Variants in UTRN observed in about 807,000 individuals in gnomAD.
UTRN encodes utrophin, also known as dystrophin-related protein 1.
A neutral mutation model predicts 463.9 loss-of-function variants in UTRN; 283 were observed. The observed-to-expected ratio is 0.61, with a 90% CI of 0.55 to 0.67. The LOEUF (loss-of-function observed/expected upper bound fraction) is 0.67, where lower values mean the gene tolerates loss of function less well. Ranked by LOEUF, UTRN falls within the 30% of genes least tolerant of loss-of-function variation. The pLI is 0.00. For missense variants in UTRN, 3,922 were observed against 4,084.3 expected (o/e 0.96, Z 1.08); for synonymous variants, 1,442 against 1,431.5 (o/e 1.01, Z -0.17).
chr6:144,345,412 T>A (rs1348132945), intron 2 of UTRN, among the ~76,000 whole-genome samples: 4 of 152,162 alleles, frequency 2.6e-5, no homozygotes, highest in African/African-American at 9.7e-5. Context: ...CAATGGCTCA[T>A]ACCTGTAATC....
chr6:144,540,282 C>T (rs1379443320), intron 45 of UTRN, among the ~76,000 whole-genome samples: 4 of 151,610 alleles, frequency 2.6e-5, no homozygotes, highest in Non-Finnish European at 5.9e-5. Flanking sequence ...TTTTGTTTGA[C>T]CTGGTACACA....
chr6:144,504,551 G>T (rs1213446818), intron 34 of UTRN, among the ~76,000 whole-genome samples: 1 of 151,360 alleles, frequency 6.6e-6, no homozygotes, highest in Non-Finnish European at 1.5e-5. Context: ...ATTGATTTGT[G>T]TATGGATTAC....
At chr6:144,572,113 G>A (rs533261058) in intron 50 of UTRN, among the ~76,000 whole-genome samples, 2 of 152,178 alleles carry the variant, frequency 1.3e-5, no homozygotes, top group East Asian at 3.9e-4. Context: ...GTTTTGTCAC[G>A]TTAAAACAGG....
intron 5 of UTRN, 27 bp downstream of exon 5, chr6:144,423,653 G>A: frequency 1.2e-6 from 2 of 1,611,146 alleles, no homozygotes; most frequent in East Asian, 4.5e-5. Context: ...AGTTCTGGGG[G>A]TCTGTGCTGC....
chr6:144,540,686 C>G (rs1399090232), intron 45 of UTRN, among the ~76,000 whole-genome samples: 1 of 152,158 alleles, frequency 6.6e-6, no homozygotes, highest in Non-Finnish European at 1.5e-5. Context: ...CTTATTATTA[C>G]TTAAGTCAGA....
chr6:144,556,661 C>T (rs896758845), intron 49 of UTRN, among the ~76,000 whole-genome samples: 2 of 152,216 alleles, frequency 1.3e-5, no homozygotes, highest in Non-Finnish European at 2.9e-5. Flanking sequence ...GCTATTCAAG[C>T]AAACTCTCAG....
At chr6:144,803,186 C>A in intron 65 of UTRN, 39 bp downstream of exon 65, 1 of 1,254,744 alleles carries the variant, frequency 8.0e-7, no homozygotes. Context: ...AATACATTGC[C>A]ATTGAATTAA....
chr6:144,781,656 A>C (rs1209241335), intron 60 of UTRN, among the ~76,000 whole-genome samples: 2 of 152,226 alleles, frequency 1.3e-5, no homozygotes, highest in Non-Finnish European at 2.9e-5. Context: ...AAAAGAAAGT[A>C]GGAATAATTA....
At chr6:144,516,423 C>T in intron 38 of UTRN, 36 bp downstream of exon 38, 12 of 1,579,814 alleles carry the variant, frequency 7.6e-6, no homozygotes, top group Non-Finnish European at 1.0e-5. Context: ...ATGGTGGTCT[C>T]ATTTTTCTTC....
rs767551271 is a variant in UTRN, at chr6:144,511,068, A to C, written c.4889A>C (p.Asn1630Thr). The C allele has an allele frequency of 2.5e-6, 4 of 1,611,190 alleles. No individual in the cohort carries two copies. Among genetic ancestry groups the C allele is most frequent in the Non-Finnish European group, 3.4e-6 (4 of 1,178,196 alleles). ...TTAGAAGAGAGGCTCTGCGTCCTTA[A>C]CGCTGGGTGGAGCCGAGTTCGTACC... Reference protein sequence around the residue: ...PILEERLCVLNAGWSRVRTWT... With the variant: ...PILEERLCVLTAGWSRVRTWT... Residue 1630 changes from asparagine to threonine, a missense_variant, in exon 35 of 75, where the codon AAC (asparagine) becomes ACC (threonine). Asn to Thr is a moderately conservative substitution (Grantham distance 65, BLOSUM62 0). Coordinates refer to ENST00000367545, the MANE Select transcript of UTRN (RefSeq NM_007124.3).
chr6:144,666,818 C>T (rs1242419209), intron 51 of UTRN, among the ~76,000 whole-genome samples: 1 of 152,140 alleles, frequency 6.6e-6, no homozygotes, highest in Non-Finnish European at 1.5e-5. Context: ...AACTGCTTAT[C>T]ATCCTTGGTT....
At chr6:144,372,270 C>T (rs1780057250) in intron 2 of UTRN, among the ~76,000 whole-genome samples, 1 of 152,234 alleles carries the variant, frequency 6.6e-6, no homozygotes, top group African/African-American at 2.4e-5. Context: ...GGCAGATTGC[C>T]TGGGTTGGAC....
At chr6:144,662,154 C>T (rs1028340471) in intron 51 of UTRN, among the ~76,000 whole-genome samples, 14 of 151,972 alleles carry the variant, frequency 9.2e-5, no homozygotes, top group African/African-American at 2.4e-4. Context: ...TCTCTTTGGC[C>T]GTATTTTACT....
intron 9 of UTRN, among the ~76,000 whole-genome samples, chr6:144,431,154 T>G (rs1287589395): frequency 6.6e-6 from 1 of 152,118 alleles, no homozygotes; most frequent in Non-Finnish European, 1.5e-5. Context: ...TGTTACAGGG[T>G]TTTAGATTCA....
At chr6:144,696,799 A>G (rs560297803) in intron 52 of UTRN, among the ~76,000 whole-genome samples, 1 of 152,272 alleles carries the variant, frequency 6.6e-6, no homozygotes, top group South Asian at 2.1e-4. Flanking sequence ...AGTAAATGAA[A>G]AACTGTATTT....
chr6:144,698,544 C>T (rs1362483613), intron 52 of UTRN, among the ~76,000 whole-genome samples: 1 of 152,212 alleles, frequency 6.6e-6, no homozygotes, highest in Non-Finnish European at 1.5e-5. Flanking sequence ...TTCCATTTCC[C>T]CAAGTTAAGG....
At chr6:144,460,707 C>T (rs1789321372) in intron 21 of UTRN, among the ~76,000 whole-genome samples, 1 of 152,214 alleles carries the variant, frequency 6.6e-6, no homozygotes, top group Admixed American at 6.5e-5. Context: ...CTGAGGTAGA[C>T]ACTGTTCCAG....
intron 70 of UTRN, 39 bp downstream of exon 70, chr6:144,835,977 CT>C (rs1433970423): frequency 6.2e-7 from 1 of 1,602,812 alleles, no homozygotes; most frequent in East Asian, 2.2e-5. Flanking sequence ...GTCATCCTTT[CT>C]TTTGTATGAA....
intron 51 of UTRN, among the ~76,000 whole-genome samples, chr6:144,674,353 A>G (rs1333870196): frequency 1.5e-5 from 2 of 137,048 alleles, no homozygotes; most frequent in African/African-American, 5.5e-5. Context: ...ATTATTTTTT[A>G]TTTGTCTTTG....
Sources: gnomAD v4.1 joint callset for allele counts (sites outside exome capture counted in the v4.1 genomes callset) on GRCh38, gnomAD v4.1.1 for gene constraint, MANE v1.5 for transcripts, NCBI Gene and HGNC (gene_info 2026-07-23, HGNC 2026-07-21) for gene names.